The following MMP24 variants were observed in gnomAD, a reference collection of about 807,000 sequenced individuals.
The protein encoded by MMP24 is matrix metallopeptidase 24.
Under a neutral mutation model 62.8 loss-of-function variants are expected in MMP24, and 25 were observed. That is an observed-to-expected ratio of 0.40 (90% CI 0.29 to 0.56). The LOEUF is 0.56. MMP24 is among the 20% of genes least tolerant of loss of function. The pLI, the probability that MMP24 is intolerant of heterozygous loss-of-function variation, is 0.50. For missense variants in MMP24, 634 were observed against 853.6 expected (o/e 0.74, Z 3.21); for synonymous variants, 319 against 350.5 (o/e 0.91, Z 1.00).
At position 35,275,792 on chromosome 20, in the gene MMP24, G is replaced by C; in HGVS notation, c.*1183G>C. ...GTTTTCCCAGAGCTTGGCCCTTGCT[G>C]ACCTCGCTCACTGGGCCCATCTTCC... On this transcript the variant is annotated 3_prime_UTR_variant, in exon 9 of 9. Coordinates refer to ENST00000246186, the MANE Select transcript of MMP24 (RefSeq NM_006690.4). The C allele has an allele frequency of 2.6e-6, 1 of 386,748 alleles. No individual in the cohort carries two copies. 24.0% of individuals were successfully genotyped at this position (386,748 alleles called of 1,614,324 possible).
rs2060711022 is a variant in MMP24, at chr20:35,276,818, C to T, written c.*2209C>T. The T allele has an allele frequency of 6.5e-6, 1 of 153,014 alleles. No individual in the cohort carries two copies. The highest frequency in any genetic ancestry group is 2.4e-5 in the African/African-American group (1 of 41,490). 9.5% of individuals were successfully genotyped at this position (153,014 alleles called of 1,614,324 possible). A position where few individuals can be genotyped will look rare whatever the true frequency, so the allele number is the denominator to read the frequency against. On this transcript the variant is annotated 3_prime_UTR_variant, in exon 9 of 9. Coordinates refer to ENST00000246186, the MANE Select transcript of MMP24 (RefSeq NM_006690.4). ...AATCTCAGATTCTCCTGCCTGTGGT[C>T]ATCTGTTTGTCCATCACCCCAGGAC...
intron 6 of MMP24, 23 bp downstream of exon 6, chr20:35,267,442 A>G: frequency 6.5e-7 from 1 of 1,546,012 alleles, no homozygotes; most frequent in Middle Eastern, 1.7e-4. Flanking sequence ...GATTGGCACC[A>G]CCCAGCTGGC....
chr20:35,264,006 G>A, intron 5 of MMP24, 54 bp downstream of exon 5: 2 of 1,517,174 alleles, frequency 1.3e-6, no homozygotes. Context: ...GGCTGTGACT[G>A]CCTACCTGTC....
chr20:35,229,993 T>TATTTATTTA (rs2146197160), intron 1 of MMP24, among the ~76,000 whole-genome samples: 1 of 152,196 alleles, frequency 6.6e-6, no homozygotes, highest in East Asian at 1.9e-4. Flanking sequence ...TTATTTATTT[T>TATTTATTTA]ATTTATTTAT....
intron 4 of MMP24, among the ~76,000 whole-genome samples, chr20:35,260,854 T>G (rs369545589): frequency 6.6e-6 from 1 of 152,176 alleles, no homozygotes. Flanking sequence ...TCTTCTCTCT[T>G]CCAGAGACCT....
intron 3 of MMP24, among the ~76,000 whole-genome samples, chr20:35,252,887 A>AC (rs1428962932): frequency 3.9e-5 from 5 of 126,670 alleles, no homozygotes; most frequent in African/African-American, 1.5e-4. Context: ...AGGGCCAGGC[A>AC]TGGGCAGGCT....
At chr20:35,273,920 G>A (rs1321619350) in intron 8 of MMP24, among the ~76,000 whole-genome samples, 1 of 152,186 alleles carries the variant, frequency 6.6e-6, no homozygotes, top group Non-Finnish European at 1.5e-5. Flanking sequence ...GCTTAATGGA[G>A]CCCACATGAG....
At chr20:35,261,379 T>C (rs1156655774) in intron 4 of MMP24, among the ~76,000 whole-genome samples, 3 of 152,180 alleles carry the variant, frequency 2.0e-5, no homozygotes, top group African/African-American at 7.2e-5. Flanking sequence ...ACTTCACGTG[T>C]ATCTTATTCA....
intron 1 of MMP24, among the ~76,000 whole-genome samples, chr20:35,241,627 T>G (rs1000143835): frequency 6.6e-6 from 1 of 152,164 alleles, no homozygotes; most frequent in Admixed American, 6.6e-5. Context: ...ATGTTCGTAA[T>G]GGATTTGGAT....
chr20:35,245,308 T>G (rs2060508693), intron 1 of MMP24, among the ~76,000 whole-genome samples: 1 of 152,216 alleles, frequency 6.6e-6, no homozygotes, highest in Non-Finnish European at 1.5e-5. Flanking sequence ...ATTACAGGCA[T>G]GAGCCACCAC....
chr20:35,260,144 C>T (rs2060594769), intron 4 of MMP24, among the ~76,000 whole-genome samples: 1 of 151,972 alleles, frequency 6.6e-6, no homozygotes, highest in Admixed American at 6.5e-5. Context: ...TCATAGCAGG[C>T]CTCTCCTCCT....
chr20:35,260,964 C>T (rs893408800), intron 4 of MMP24, among the ~76,000 whole-genome samples: 2 of 152,186 alleles, frequency 1.3e-5, no homozygotes, highest in Non-Finnish European at 2.9e-5. Flanking sequence ...TCCTAGGTTC[C>T]TGGCAGCCTC....
chr20:35,272,049 CAG>C lies in MMP24; in HGVS notation c.1600+220_1600+221del, dbSNP rs922248111. 35 of 611,372 alleles carry C rather than the reference CAG, an allele frequency of 5.7e-5. No homozygotes were observed. In the African/African-American group the frequency reaches 6.3e-4, roughly 11 times the overall value. The allele number at this position is 611,372 out of a possible 1,614,324, so 37.9% of individuals were successfully genotyped here. ...TTTCATCTGCAGGAATGATTCACGG[CAG>C]AGAGACGTTGTCATAGACTGACTTC... On this transcript the variant is annotated intron_variant, in intron 8 of 8. Transcript: ENST00000246186.
At chr20:35,253,854 C>T (rs1321031971) in intron 3 of MMP24, among the ~76,000 whole-genome samples, 1 of 150,756 alleles carries the variant, frequency 6.6e-6, no homozygotes, top group Non-Finnish European at 1.5e-5. Flanking sequence ...ATGCTATCTA[C>T]CAATTTCCTT....
In MMP24 at chr20:35,253,270, C is replaced by CTTTTTTTTTTT. The variant is rs34474017; in HGVS notation, c.513-1167_513-1157dup. 8.5e-3 allele frequency among the ~76,000 whole-genome samples: 669 copies of CTTTTTTTTTTT among 79,036 alleles called. 109 individuals carry two copies. Among genetic ancestry groups the CTTTTTTTTTTT allele is most frequent in the African/African-American group, 0.035 (608 of 17,170 alleles). The allele number at this position is 79,036 out of a possible 152,430, so 51.9% of individuals were successfully genotyped here. A position where few individuals can be genotyped will look rare whatever the true frequency, so the allele number is the denominator to read the frequency against. ...GACAAGCACTCCCTACAGAACGGGA[C>CTTTTTTTTTTT]TTTTTTTTTTTTTTTTTTTTTTTCA... On this transcript the variant is annotated intron_variant, in intron 3 of 8. Coordinates refer to ENST00000246186, the MANE Select transcript of MMP24 (RefSeq NM_006690.4).
At chr20:35,257,354 T>C (rs185750004) in intron 4 of MMP24, among the ~76,000 whole-genome samples, 1 of 152,296 alleles carries the variant, frequency 6.6e-6, no homozygotes, top group Admixed American at 6.5e-5. Flanking sequence ...CCTGGCTGAG[T>C]ACCTGTTCTT....
At chr20:35,255,202 G>A (rs1033801857) in intron 4 of MMP24, among the ~76,000 whole-genome samples, 1 of 152,090 alleles carries the variant, frequency 6.6e-6, no homozygotes, top group Non-Finnish European at 1.5e-5. Flanking sequence ...GTGGTGGCGG[G>A]TGCCTGTAAT....
rs554307663 is a variant in MMP24, at chr20:35,246,949, G to A, written c.356G>A (p.Gly119Glu). 2.5e-6 allele frequency: 4 copies of A among 1,614,050 alleles called. No individual in the cohort carries two copies. Among genetic ancestry groups the A allele is most frequent in the Middle Eastern group, 1.6e-4 (1 of 6,062 alleles). ...GTCTCCACTATGCAGCAGTTTTACG[G>A]GATCCCGGTCACCGGTGTGTTGGAT... ...SAVSTMQQFY[G>E]IPVTGVLDQT... The change falls in exon 2 of 9, where the codon GGG becomes GAG. Residue 119 changes from glycine to glutamate, a missense_variant. Physicochemically the swap from Gly to Glu is moderately conservative, Grantham distance 98. Around this residue, in one of 3 missense-constraint regions of MMP24, gnomAD observed 212 missense variants for 259.6 expected, o/e 0.82. Coordinates refer to ENST00000246186, the MANE Select transcript of MMP24 (RefSeq NM_006690.4).
At chr20:35,234,200 C>T (rs1449114338) in intron 1 of MMP24, among the ~76,000 whole-genome samples, 1 of 152,150 alleles carries the variant, frequency 6.6e-6, no homozygotes, top group Non-Finnish European at 1.5e-5. Flanking sequence ...TCAGCCTTCA[C>T]CTAGCCTCTT....
Sources: allele counts gnomAD v4.1 joint callset (sites outside exome capture counted in the v4.1 genomes callset), GRCh38; gene constraint gnomAD v4.1.1; regional missense constraint gnomAD v4.1.1; transcripts MANE v1.5; gene names NCBI Gene and HGNC (gene_info 2026-07-23, HGNC 2026-07-21).